ADORA1: variants seen among roughly 807,000 people sequenced by gnomAD.
ADORA1 encodes the protein adenosine A1 receptor, also known as adenosine receptor A1.
In ADORA1, 6 loss-of-function variants were observed where a neutral mutation model predicts 19.9. The observed-to-expected ratio is 0.30, with a 90% CI of 0.17 to 0.59. The LOEUF (loss-of-function observed/expected upper bound fraction) is 0.59, where lower values mean the gene tolerates loss of function less well. Ranked by LOEUF, ADORA1 falls within the 20% of genes least tolerant of loss-of-function variation. The probability of loss-of-function intolerance (pLI) is 0.87; values close to 1 mark genes in which losing one functional copy is unlikely to be tolerated. For missense variants in ADORA1, 302 were observed against 439.2 expected (o/e 0.69, Z 2.79); for synonymous variants, 194 against 188.4 (o/e 1.03, Z -0.24).
At chr1:203,146,859 T>C (rs560324256) in intron 3 of ADORA1, among the ~76,000 whole-genome samples, 1 of 152,276 alleles carries the variant, frequency 6.6e-6, no homozygotes, top group South Asian at 2.1e-4. Context: ...GAGGTGTTGC[T>C]AGCATCATGG....
chr1:203,144,020 A>C (rs1302040878), intron 3 of ADORA1, among the ~76,000 whole-genome samples: 2 of 150,556 alleles, frequency 1.3e-5, no homozygotes, highest in Non-Finnish European at 2.9e-5. Context: ...GTCTCTTCTT[A>C]ACCTGTCTAG....
At position 203,165,460 on chromosome 1, in the gene ADORA1, G is replaced by A; in HGVS notation, c.541G>A (p.Val181Ile). ...GAAGGTCATCAGCATGGAGTACATG[G>A]TCTACTTCAACTTCTTTGTGTGGGT... is the stretch of plus-strand genomic sequence containing the variant. The part of the protein sequence containing the change: ...FEKVISMEYM[V>I]YFNFFVWVLP... The change falls in exon 4 of 4, where the codon GTC (valine) becomes ATC (isoleucine). Residue 181 changes from valine (V) to isoleucine (I), a missense_variant. Transcript: ENST00000337894. This position sits in a 1 kb window ranked among gnomAD's most constrained non-coding sequence, Gnocchi z 5.9. The A allele has an allele frequency of 6.2e-7, 1 of 1,613,758 alleles. No individual in the cohort carries two copies. The highest frequency in any genetic ancestry group is 1.1e-5 in the South Asian group (1 of 91,028).
chr1:203,153,542 C>T (rs1655102759), intron 3 of ADORA1, among the ~76,000 whole-genome samples: 1 of 152,160 alleles, frequency 6.6e-6, no homozygotes, highest in Admixed American at 6.5e-5. Context: ...GAGTGTCTGC[C>T]CTCCTCCCTG....
At chr1:203,148,883 A>ATT (rs542195419) in intron 3 of ADORA1, among the ~76,000 whole-genome samples, 1 of 144,456 alleles carries the variant, frequency 6.9e-6, no homozygotes, top group Non-Finnish European at 1.5e-5. Context: ...GTCTCTCTGC[A>ATT]TTTTTTTTTT....
At chr1:203,131,434 T>C (rs1302433588) in intron 3 of ADORA1, among the ~76,000 whole-genome samples, 1 of 152,200 alleles carries the variant, frequency 6.6e-6, no homozygotes, top group Non-Finnish European at 1.5e-5. Context: ...GTCTGGCACA[T>C]CACAGACCCT....
intron 3 of ADORA1, among the ~76,000 whole-genome samples, chr1:203,131,114 C>T (rs919602570): frequency 6.6e-6 from 1 of 152,180 alleles, no homozygotes; most frequent in Non-Finnish European, 1.5e-5. Flanking sequence ...TAATATTATG[C>T]CTCATATATG....
chr1:203,153,530 C>G (rs1428069397), intron 3 of ADORA1, among the ~76,000 whole-genome samples: 1 of 152,190 alleles, frequency 6.6e-6, no homozygotes, highest in African/African-American at 2.4e-5. Flanking sequence ...TTTCAAGACA[C>G]AGAGTGTCTG....
intron 3 of ADORA1, among the ~76,000 whole-genome samples, chr1:203,155,734 A>G (rs1467214664): frequency 1.3e-5 from 2 of 152,214 alleles, no homozygotes; most frequent in Admixed American, 1.3e-4. Context: ...GCCTGGTGGC[A>G]GTTTCTCATA....
intron 3 of ADORA1, among the ~76,000 whole-genome samples, chr1:203,149,505 C>T (rs1654965597): frequency 1.3e-5 from 2 of 152,224 alleles, no homozygotes; most frequent in African/African-American, 4.8e-5. Context: ...GGAGGACAGG[C>T]TGTTCCCCAC....
Position 203,128,413 on chromosome 1 carries a change from GCCGGCC to G in ADORA1, c.-76_-71del, listed in dbSNP as rs1054092593. ...TTTGGGCACTGCCTCTGGGACCCCTGCCGGCCAGCAGGCAGGATGGTGAGCTCCCTG... is the reference window on the plus strand; with the variant it reads ...TTTGGGCACTGCCTCTGGGACCCCTGAGCAGGCAGGATGGTGAGCTCCCTG... On this transcript the variant is annotated 5_prime_UTR_variant, in exon 2 of 4. Coordinates refer to ENST00000337894, the MANE Select transcript of ADORA1 (RefSeq NM_000674.3). This position sits in a 1 kb window ranked among gnomAD's most constrained non-coding sequence, Gnocchi z 5.9. 2 of 1,292,382 alleles carry G rather than the reference GCCGGCC, an allele frequency of 1.5e-6. No homozygotes were observed. Among genetic ancestry groups the G allele is most frequent in the African/African-American group, 3.0e-5 (2 of 65,994 alleles). 80.1% of individuals were successfully genotyped at this position (1,292,382 alleles called of 1,614,324 possible).
chr1:203,145,744 T>C (rs771706720), intron 3 of ADORA1, among the ~76,000 whole-genome samples: 1 of 152,252 alleles, frequency 6.6e-6, no homozygotes, highest in Non-Finnish European at 1.5e-5. Flanking sequence ...ACCATCTCTC[T>C]CCAGTTTCAG....
intron 3 of ADORA1, among the ~76,000 whole-genome samples, chr1:203,145,947 T>C (rs993520057): frequency 6.6e-6 from 1 of 152,116 alleles, no homozygotes; most frequent in Admixed American, 6.5e-5. Flanking sequence ...GGGAGGTGTA[T>C]AAAGCCCTGC....
At chr1:203,163,211 G>C (rs910545557) in intron 3 of ADORA1, among the ~76,000 whole-genome samples, 1 of 152,316 alleles carries the variant, frequency 6.6e-6, no homozygotes, top group South Asian at 2.1e-4. Flanking sequence ...GCTTGGAGGG[G>C]TAAGAAGAGC....
intron 3 of ADORA1, among the ~76,000 whole-genome samples, chr1:203,151,508 T>A (rs1655033839): frequency 6.6e-6 from 1 of 152,224 alleles, no homozygotes; most frequent in Admixed American, 6.5e-5. Flanking sequence ...CTGTTTTGTA[T>A]CTCTTCAAGG....
At chr1:203,141,238 A>G (rs1654676989) in intron 3 of ADORA1, among the ~76,000 whole-genome samples, 1 of 152,170 alleles carries the variant, frequency 6.6e-6, no homozygotes, top group African/African-American at 2.4e-5. Context: ...CAGCTCCTAC[A>G]TGCAGAAATC....
Position 203,128,304 on chromosome 1 carries a change from G to T in ADORA1, c.-186G>T, listed in dbSNP as rs1374242753. ...CCGGGCTGGGAGCGCTGCGGCGGGA[G>T]CCGGAGGACTATGAGCTGCCGCGCG... On this transcript the variant is annotated 5_prime_UTR_variant, in exon 2 of 4. Transcript: ENST00000337894. The surrounding 1 kb of genome is among the most constrained non-coding windows in gnomAD (Gnocchi z 5.9). 1 of 1,279,594 alleles carries T rather than the reference G, an allele frequency of 7.8e-7. No homozygotes were observed. Among genetic ancestry groups the T allele is most frequent in the Non-Finnish European group, 1.0e-6 (1 of 981,866 alleles). 79.3% of individuals were successfully genotyped at this position (1,279,594 alleles called of 1,614,324 possible).
At chr1:203,161,214 C>T (rs749616407) in intron 3 of ADORA1, among the ~76,000 whole-genome samples, 2 of 152,220 alleles carry the variant, frequency 1.3e-5, no homozygotes, top group Non-Finnish European at 2.9e-5. Context: ...TAGCCCATTG[C>T]TCCGGGGACT....
intron 3 of ADORA1, among the ~76,000 whole-genome samples, chr1:203,145,562 A>G (rs955469140): frequency 1.3e-5 from 2 of 152,244 alleles, no homozygotes; most frequent in Non-Finnish European, 2.9e-5. Context: ...GAGGGACACA[A>G]CACAGCTTGG....
intron 3 of ADORA1, among the ~76,000 whole-genome samples, chr1:203,132,237 A>G (rs1024310159): frequency 6.6e-6 from 1 of 152,004 alleles, no homozygotes; most frequent in African/African-American, 2.4e-5. Context: ...TCCTGGTTCT[A>G]GGGAATCTCT....
Sources: allele counts gnomAD v4.1 joint callset (sites outside exome capture counted in the v4.1 genomes callset), GRCh38; gene constraint gnomAD v4.1.1; non-coding constraint Gnocchi (gnomAD v3.1); transcripts MANE v1.5; gene names NCBI Gene and HGNC (gene_info 2026-07-23, HGNC 2026-07-21).